The following FAM168A variants were observed in gnomAD, a reference collection of about 807,000 sequenced individuals.
FAM168A encodes the protein family with sequence similarity 168 member A, also known as protein FAM168A.
In FAM168A, 3 loss-of-function variants were observed where a neutral mutation model predicts 28.5. That is an observed-to-expected ratio of 0.11 (90% CI 0.05 to 0.27). The LOEUF is 0.27. FAM168A is among the 10% of genes least tolerant of loss of function. The pLI, the probability that FAM168A is intolerant of heterozygous loss-of-function variation, is 1.00. For missense variants in FAM168A, 222 were observed against 311.5 expected, an observed-to-expected ratio of 0.71 and a Z score of 2.16; for synonymous variants, 122 against 124.2, an observed-to-expected ratio of 0.98 and a Z score of 0.12.
intron 1 of FAM168A, among the ~76,000 whole-genome samples, chr11:73,540,149 T>C (rs1943636427): frequency 6.6e-6 from 1 of 152,138 alleles, no homozygotes; most frequent in Non-Finnish European, 1.5e-5. Flanking sequence ...AGTAAAGCCC[T>C]GGCATAAAAT....
At chr11:73,519,482 C>T (rs1313290791) in intron 1 of FAM168A, among the ~76,000 whole-genome samples, 1 of 152,156 alleles carries the variant, frequency 6.6e-6, no homozygotes, top group African/African-American at 2.4e-5. Flanking sequence ...CAGACTAATA[C>T]ATCCTATAAT....
intron 1 of FAM168A, among the ~76,000 whole-genome samples, chr11:73,474,991 T>C (rs1867869245): frequency 6.6e-6 from 1 of 152,122 alleles, no homozygotes; most frequent in South Asian, 2.1e-4. Flanking sequence ...GCATGACATG[T>C]GAGAGAGAAA....
intron 2 of FAM168A, among the ~76,000 whole-genome samples, chr11:73,438,881 T>C (rs542939264): frequency 1.3e-5 from 2 of 152,174 alleles, no homozygotes; most frequent in East Asian, 3.9e-4. Context: ...TTTAGTCCTG[T>C]GGGCTAAGAA....
intron 1 of FAM168A, among the ~76,000 whole-genome samples, chr11:73,589,360 C>G (rs1198362309): frequency 2.0e-5 from 3 of 151,870 alleles, no homozygotes; most frequent in African/African-American, 7.3e-5. Context: ...GGCAATGAAC[C>G]TTAACAAACT....
intron 3 of FAM168A, among the ~76,000 whole-genome samples, chr11:73,426,645 T>A (rs1336478546): frequency 6.6e-6 from 1 of 151,776 alleles, no homozygotes; most frequent in Non-Finnish European, 1.5e-5. Flanking sequence ...GAGGCCAGCA[T>A]TCCAAAATAT....
At chr11:73,481,062 C>CCTCTA (rs1211253514) in intron 1 of FAM168A, among the ~76,000 whole-genome samples, 1 of 151,352 alleles carries the variant, frequency 6.6e-6, no homozygotes, top group East Asian at 1.9e-4. Flanking sequence ...TAGCTCCTTC[C>CCTCTA]CTCTATCCCT....
intron 1 of FAM168A, among the ~76,000 whole-genome samples, chr11:73,591,249 A>C (rs1457167235): frequency 6.6e-6 from 1 of 152,214 alleles, no homozygotes; most frequent in Non-Finnish European, 1.5e-5. Context: ...TCAGGTTTTT[A>C]AATACGAGCT....
At chr11:73,434,293 C>A (rs1867050472) in intron 2 of FAM168A, among the ~76,000 whole-genome samples, 2 of 151,878 alleles carry the variant, frequency 1.3e-5, no homozygotes, top group African/African-American at 4.8e-5. Context: ...GGAGAAGGCA[C>A]CCTTGGATAA....
intron 1 of FAM168A, among the ~76,000 whole-genome samples, chr11:73,531,153 G>A (rs1943509729): frequency 6.6e-6 from 1 of 152,182 alleles, no homozygotes; most frequent in South Asian, 2.1e-4. Flanking sequence ...GCTTCCTAGA[G>A]AGTCTCATTT....
chr11:73,432,369 T>C lies in FAM168A; in HGVS notation c.71-1599A>G, dbSNP rs186728342. Among the ~76,000 whole-genome samples, 256 of 152,326 alleles carry C rather than the reference T, an allele frequency of 1.7e-3. 2 individuals are homozygous for C. Among genetic ancestry groups the C allele is most frequent in the African/African-American group, 6.0e-3 (250 of 41,560 alleles). On this transcript the variant is annotated intron_variant, in intron 2 of 7. Transcript: ENST00000356467. Reference sequence around the variant, plus strand: ...CCACCAAACTGTTTTTCACAATGTCTGTACTATTTTACATTCCCTCCAGCA... The same window carrying C: ...CCACCAAACTGTTTTTCACAATGTCCGTACTATTTTACATTCCCTCCAGCA...
At chr11:73,447,157 C>T (rs779267300) in intron 2 of FAM168A, among the ~76,000 whole-genome samples, 22 of 152,146 alleles carry the variant, frequency 1.4e-4, no homozygotes, top group Non-Finnish European at 2.6e-4. Flanking sequence ...AAATGTCTTC[C>T]TTGACCTTCT....
intron 2 of FAM168A, among the ~76,000 whole-genome samples, chr11:73,439,920 T>C (rs1867163118): frequency 6.8e-6 from 1 of 147,520 alleles, no homozygotes; most frequent in African/African-American, 2.5e-5. Context: ...AGTTTTGCTC[T>C]TGTCGCCCAA....
At position 73,581,579 on chromosome 11, in the gene FAM168A, T is replaced by C. The variant is rs568555306; in HGVS notation, c.-19+16344A>G. 5.3e-5 allele frequency among the ~76,000 whole-genome samples: 8 copies of C among 152,230 alleles called. No homozygotes were observed. The South Asian group carries it at 1.4e-3, about 28-fold the overall frequency. On this transcript the variant is annotated intron_variant, in intron 1 of 7. Coordinates refer to ENST00000356467, the MANE Select transcript of FAM168A (RefSeq NM_015159.3). ...AGTTCTTCTGACTCCATGTCCAGAA[T>C]TGTCCACACATAAGACCTAGTCTTC...
intron 1 of FAM168A, among the ~76,000 whole-genome samples, chr11:73,549,945 G>T (rs954860604): frequency 1.7e-4 from 26 of 152,214 alleles, no homozygotes; most frequent in Non-Finnish European, 3.1e-4. Flanking sequence ...TAAATTACAG[G>T]TGTTTCTAGA....
chr11:73,456,089 A>G (rs1291261864), intron 2 of FAM168A, among the ~76,000 whole-genome samples: 1 of 152,172 alleles, frequency 6.6e-6, no homozygotes, highest in Admixed American at 6.5e-5. Context: ...ATTTTTTAAC[A>G]TCTATCTTCT....
At position 73,469,875 on chromosome 11, in the gene FAM168A, G is replaced by A. The variant is rs549228155; in HGVS notation, c.-18-1383C>T. ...AAGCACTCTCCTCGCAGAGTATTGA[G>A]ACATTAATAATGAAAAGAGATCATA... On this transcript the variant is annotated intron_variant, in intron 1 of 7. Transcript: ENST00000356467. Among the ~76,000 whole-genome samples, 9 of 152,194 alleles carry A rather than the reference G, an allele frequency of 5.9e-5. No homozygotes were observed. In the South Asian group the frequency reaches 1.5e-3, roughly 25 times the overall value.
At chr11:73,561,864 C>T (rs536675771) in intron 1 of FAM168A, among the ~76,000 whole-genome samples, 1 of 152,192 alleles carries the variant, frequency 6.6e-6, no homozygotes, top group African/African-American at 2.4e-5. Context: ...TTTTAATACC[C>T]TTTTATCCCA....
chr11:73,597,545 C>A (rs1312313185), intron 1 of FAM168A, among the ~76,000 whole-genome samples: 5 of 152,140 alleles, frequency 3.3e-5, no homozygotes, highest in African/African-American at 1.2e-4. Context: ...CCAGGCCAAA[C>A]CCAAATCACC....
chr11:73,588,743 A>C (rs1227154384), intron 1 of FAM168A, among the ~76,000 whole-genome samples: 1 of 152,166 alleles, frequency 6.6e-6, no homozygotes, highest in East Asian at 1.9e-4. Context: ...TCCCCTCAAA[A>C]TTCATAAATT....
Sources: gnomAD v4.1 joint callset for allele counts (sites outside exome capture counted in the v4.1 genomes callset) on GRCh38, gnomAD v4.1.1 for gene constraint, MANE v1.5 for transcripts, NCBI Gene and HGNC (gene_info 2026-07-23, HGNC 2026-07-21) for gene names.